The following ICAM3 variants were observed in gnomAD, a reference collection of about 807,000 sequenced individuals.
ICAM3 encodes ICAM-3.
A neutral mutation model predicts 43.6 loss-of-function variants in ICAM3; 54 were observed. The ratio of observed to expected loss-of-function variants is 1.24; its 90% CI spans 0.99 to 1.55. The LOEUF (loss-of-function observed/expected upper bound fraction) is 1.55. Among genes scored for constraint, ICAM3 ranks in the 40% most tolerant of loss-of-function variants. The pLI is 0.00. For synonymous variants in ICAM3, 306 were observed against 312.6 expected (o/e 0.98, Z 0.22); for missense variants, 715 against 717.9 (o/e 1.00, Z 0.05).
intron 2 of ICAM3, among the ~76,000 whole-genome samples, chr19:10,336,804 CAAAAAAAAAAA>C (rs34119863): frequency 2.5e-5 from 2 of 79,004 alleles, no homozygotes; most frequent in Non-Finnish European, 4.7e-5. Context: ...GACTCTATGT[CAAAAAAAAAAA>C]AAAAAAAAAA....
At chr19:10,337,489 G>A (rs1159124667) in intron 2 of ICAM3, among the ~76,000 whole-genome samples, 1 of 148,054 alleles carries the variant, frequency 6.8e-6, no homozygotes, top group East Asian at 2.0e-4. Context: ...TGGAGAGACT[G>A]AAGTGGGAGG....
rs1290671015 is a variant in ICAM3 at position 10,334,318 on chromosome 19, T to C, written c.1283A>G (p.Asn428Ser). 6.2e-7 allele frequency: 1 copy of C among 1,614,154 alleles called. No homozygotes were observed. Among genetic ancestry groups the C allele is most frequent in the Non-Finnish European group, 8.5e-7 (1 of 1,180,030 alleles). Residue 428 changes from asparagine (N) to serine (S), a missense_variant, in exon 6 of 7, where the codon AAC (asparagine) becomes AGC (serine). Physicochemically the swap from Asn to Ser is conservative, Grantham distance 46. Coordinates refer to ENST00000160262, the MANE Select transcript of ICAM3 (RefSeq NM_002162.5). The surrounding 1 kb of genome is among the most constrained non-coding windows in gnomAD (Gnocchi z 5.5). The stretch of plus-strand genomic sequence containing the variant: ...CAAACACCGCAGCTCGGGGTACGGG[T>C]TGCCCCTGGCTTGGCACTGCAGGAC... ...RHVLQCQARG[N>S]PYPELRCLKE...
At chr19:10,337,918 G>T (rs908479031) in intron 2 of ICAM3, among the ~76,000 whole-genome samples, 2 of 152,082 alleles carry the variant, frequency 1.3e-5, no homozygotes, top group African/African-American at 4.8e-5. Flanking sequence ...GGGGCCAGGC[G>T]CAGTGGCTCA....
rs759972399 is a variant in ICAM3 at position 10,334,250 on chromosome 19, A to G, written c.1351T>C (p.Phe451Leu). The change falls in exon 6 of 7, where the codon TTC becomes CTC. Residue 451 changes from phenylalanine to leucine, a missense_variant. Physicochemically the swap from Phe to Leu is conservative, Grantham distance 22. Transcript: ENST00000160262. This position sits in a 1 kb window ranked among gnomAD's most constrained non-coding sequence, Gnocchi z 5.5. ...SREVPVGIPF[F>L]VNVTHNGTYQ... ...GTACCATTATGTGTTACGTTGACGAAGAACGGGATCCCCACCGGCACCTCC... is the reference window on the plus strand; with the variant it reads ...GTACCATTATGTGTTACGTTGACGAGGAACGGGATCCCCACCGGCACCTCC... 14 of 1,614,192 alleles carry G rather than the reference A, an allele frequency of 8.7e-6. No homozygotes were observed. Among genetic ancestry groups the G allele is most frequent in the Admixed American group, 1.7e-5 (1 of 60,012 alleles).
rs764654246 is a variant in ICAM3 at position 10,334,404 on chromosome 19, A to G, written c.1197T>C (p.Gly399=). ...GGCATGTGGCTCGGTCAATTTTGGG[A>G]CCATCTGTGGAACCACCATGTGTGA... ...NSSVQLRVLY[G]PKIDRATCPQ... is the part of the protein sequence containing the mutation. Residue 399 remains glycine (G), a synonymous_variant, in exon 6 of 7, where the codon GGT becomes GGC. Coordinates refer to ENST00000160262, the MANE Select transcript of ICAM3 (RefSeq NM_002162.5). This position sits in a 1 kb window ranked among gnomAD's most constrained non-coding sequence, Gnocchi z 5.5. The G allele has an allele frequency of 1.9e-6, 3 of 1,613,928 alleles. No individual in the cohort carries two copies. Among genetic ancestry groups the G allele is most frequent in the Admixed American group, 1.7e-5 (1 of 59,966 alleles).
intron 2 of ICAM3, among the ~76,000 whole-genome samples, chr19:10,337,006 A>G (rs2040605207): frequency 1.3e-5 from 2 of 151,916 alleles, no homozygotes; most frequent in Admixed American, 6.6e-5. Context: ...GCTACTAAGG[A>G]GGCTAAGACA....
chr19:10,339,052 G>A (rs1385052148), intron 1 of ICAM3, 104 bp from the exon 2 acceptor site: 1 of 1,276,134 alleles, frequency 7.8e-7, no homozygotes, highest in Non-Finnish European at 1.1e-6. Context: ...CGAGACAGAA[G>A]GGTTCCTGCC....
chr19:10,338,519 T>C (rs1255911114), intron 2 of ICAM3, among the ~76,000 whole-genome samples, 163 bp downstream of exon 2: 1 of 152,146 alleles, frequency 6.6e-6, no homozygotes, highest in African/African-American at 2.4e-5. Context: ...TGTCTCTGTC[T>C]CTGTCTATCT....
chr19:10,338,518 CTCTG>C (rs368732090), intron 2 of ICAM3, among the ~76,000 whole-genome samples, 160 bp downstream of exon 2: 1 of 152,104 alleles, frequency 6.6e-6, no homozygotes, highest in East Asian at 1.9e-4. Context: ...GTGTCTCTGT[CTCTG>C]TCTATCTTTG....
chr19:10,337,126 C>G (rs1241096752), intron 2 of ICAM3, among the ~76,000 whole-genome samples: 2 of 148,732 alleles, frequency 1.3e-5, no homozygotes, highest in Non-Finnish European at 3.0e-5. Context: ...AAAGAAAAGT[C>G]AAAAAGTAGG....
intron 4 of ICAM3, 59 bp downstream of exon 4, chr19:10,335,007 C>A: frequency 6.4e-7 from 1 of 1,567,682 alleles, no homozygotes. Context: ...TAGTCTCCGC[C>A]CCCTCTGCCA....
Position 10,339,552 on chromosome 19 carries a change from ACAGCAGAC to A in ICAM3, c.55_62del (p.Val19SerfsTer35), listed in dbSNP as rs1336214033. On this transcript the variant is annotated frameshift_variant, in exon 1 of 7. Transcript: ENST00000160262. LOFTEE classifies it high-confidence loss of function. The stretch of plus-strand genomic sequence containing the variant: ...GACTGGTCTCACCTGGGGTCAGCAG[ACAGCAGAC>A]CAGCAGAGTCCAGCAGGCCCTGGGC... 2 of 1,613,896 alleles carry A rather than the reference ACAGCAGAC, an allele frequency of 1.2e-6. No homozygotes were observed. Among genetic ancestry groups the A allele is most frequent in the African/African-American group, 1.3e-5 (1 of 75,046 alleles).
In ICAM3 at chr19:10,334,116, C is replaced by T. The variant is rs200775651; in HGVS notation, c.1441+44G>A. Reference sequence around the variant, plus strand: ...TCCCTTCTGTCTCCAACCCCCCCGCCCCCCGGCTTACCGGTCCAGACCCGC... The same window carrying T: ...TCCCTTCTGTCTCCAACCCCCCCGCTCCCCGGCTTACCGGTCCAGACCCGC... On this transcript the variant is annotated intron_variant, in intron 6 of 6. Coordinates refer to ENST00000160262, the MANE Select transcript of ICAM3 (RefSeq NM_002162.5). The surrounding 1 kb of genome is among the most constrained non-coding windows in gnomAD (Gnocchi z 5.5). 7.5e-6 allele frequency: 12 copies of T among 1,606,942 alleles called. No homozygotes were observed. Among genetic ancestry groups the T allele is most frequent in the South Asian group, 5.5e-5 (5 of 90,890 alleles).
chr19:10,335,439 T>C (rs2040585957), intron 3 of ICAM3, 86 bp from the exon 4 acceptor site: 1 of 1,316,946 alleles, frequency 7.6e-7, no homozygotes, highest in Non-Finnish European at 1.0e-6. Context: ...GATATCTTGC[T>C]GACTGGGTCA....
chr19:10,335,241 G>C lies in ICAM3; in HGVS notation c.762C>G (p.Val254=). 1 of 1,613,820 alleles carries C rather than the reference G, an allele frequency of 6.2e-7. No homozygotes were observed. The highest frequency in any genetic ancestry group is 8.5e-7 in the Non-Finnish European group (1 of 1,180,028). The change falls in exon 4 of 7, where the codon GTC becomes GTG. Residue 254 remains valine, a synonymous_variant. Coordinates refer to ENST00000160262, the MANE Select transcript of ICAM3 (RefSeq NM_002162.5). ...DGLFPASEAQ[V]YLALGDQMLN... ...GCATCTGGTCCCCCAGCGCCAGGTAGACCTGGGCCTCTGAGGCTGGAAAAA... is the reference window on the plus strand; with the variant it reads ...GCATCTGGTCCCCCAGCGCCAGGTACACCTGGGCCTCTGAGGCTGGAAAAA...
Position 10,338,884 on chromosome 19 carries a change from C to A in ICAM3, c.141G>T (p.Gly47=), listed in dbSNP as rs974071021. 6.2e-7 allele frequency: 1 copy of A among 1,613,982 alleles called. No homozygotes were observed. Among genetic ancestry groups the A allele is most frequent in the East Asian group, 2.2e-5 (1 of 44,894 alleles). Residue 47 remains glycine (G), a synonymous_variant, in exon 2 of 7, where the codon GGG becomes GGT. Transcript: ENST00000160262. The part of the protein sequence containing the change: ...EPQNPVLSAG[G]SLFVNCSTDC... The stretch of plus-strand genomic sequence containing the variant: ...CAGTACTGCAGTTCACAAACAGGGA[C>A]CCTCCAGCAGAGAGCACAGGGTTCT...
intron 2 of ICAM3, among the ~76,000 whole-genome samples, 198 bp downstream of exon 2, chr19:10,338,484 C>CTCTA (rs1339426212): frequency 6.6e-6 from 1 of 151,962 alleles, no homozygotes; most frequent in Non-Finnish European, 1.5e-5. Context: ...TGAGATGCGT[C>CTCTA]TCTATATCTC....
Position 10,334,456 on chromosome 19 carries a change from A to C in ICAM3, c.1193-48T>G, listed in dbSNP as rs1393323449. 5 of 1,610,526 alleles carry C rather than the reference A, an allele frequency of 3.1e-6. No homozygotes were observed. Among genetic ancestry groups the C allele is most frequent in the Non-Finnish European group, 4.2e-6 (5 of 1,177,518 alleles). On this transcript the variant is annotated intron_variant, in intron 5 of 6. Transcript: ENST00000160262. This position sits in a 1 kb window ranked among gnomAD's most constrained non-coding sequence, Gnocchi z 5.5. ...CAGACACCCAACACACCCGAGGCAC[A>C]GTGGTGCAGAGGAGCGTCTAATCTT...
intron 2 of ICAM3, 159 bp from the exon 3 acceptor site, chr19:10,336,135 T>G: frequency 3.1e-6 from 2 of 637,540 alleles, no homozygotes; most frequent in Non-Finnish European, 5.4e-6. Flanking sequence ...CGTTTGCTAT[T>G]ATCATTAGCG....
Sources: allele counts gnomAD v4.1 joint callset (sites outside exome capture counted in the v4.1 genomes callset), GRCh38; gene constraint gnomAD v4.1.1; non-coding constraint Gnocchi (gnomAD v3.1); transcripts MANE v1.5; gene names NCBI Gene and HGNC (gene_info 2026-07-23, HGNC 2026-07-21).